The following APC variants were observed in gnomAD, a reference collection of about 807,000 sequenced individuals.
APC encodes the protein APC regulator of Wnt signaling pathway.
A neutral mutation model predicts 247.0 loss-of-function variants in APC; 72 were observed. The observed-to-expected ratio is 0.29, with a 90% confidence interval of 0.24 to 0.35. The LOEUF (loss-of-function observed/expected upper bound fraction) is 0.35, where lower values mean the gene tolerates loss of function less well. Among genes scored for constraint, APC ranks in the 10% least tolerant of loss-of-function variants. The pLI, the probability that APC is intolerant of heterozygous loss-of-function variation, is 1.00. For missense variants in APC, 3,400 were observed against 3,360.7 expected (o/e 1.01, Z -0.29); for synonymous variants, 1,254 against 1,162.5 (o/e 1.08, Z -1.60).
At chr5:112,828,679 T>TCTCAGGAGATCCTCCTGCC (rs1046157029) in intron 13 of APC, among the ~76,000 whole-genome samples, 177 bp from the exon 14 acceptor site, 4 of 151,942 alleles carry the variant, frequency 2.6e-5, no homozygotes, top group African/African-American at 9.7e-5. Context: ...GAACTCCTGG[T>TCTCAGGAGATCCTCCTGCC]CTCAGGAGAT....
At chr5:112,816,135 G>A (rs1762490259) in intron 9 of APC, among the ~76,000 whole-genome samples, 3 of 152,232 alleles carry the variant, frequency 2.0e-5, no homozygotes, top group African/African-American at 7.2e-5. Context: ...TGCCTGCATT[G>A]GTGGGGACCA....
chr5:112,842,089 A>G lies in APC; in HGVS notation c.6495A>G (p.Pro2165=), dbSNP rs2149966196. 6.2e-7 allele frequency: 1 copy of G among 1,611,078 alleles called. No homozygotes were observed. ...AACCCTTTACAAGTAATAAAGGCCC[A>G]CGAATTCTAAAACCAGGGGAGAAAA... ...EEKPFTSNKG[P]RILKPGEKST... is the part of the protein sequence containing the mutation. Residue 2165 remains proline, a synonymous_variant, in exon 16 of 16, where the codon CCA becomes CCG. Coordinates refer to ENST00000257430, the MANE Select transcript of APC (RefSeq NM_000038.6).
At chr5:112,742,940 T>C (rs1753211384) in intron 1 of APC, among the ~76,000 whole-genome samples, 1 of 152,178 alleles carries the variant, frequency 6.6e-6, no homozygotes, top group African/African-American at 2.4e-5. Context: ...CTATTGCTGT[T>C]GTAACAAATT....
Position 112,843,269 on chromosome 5 carries a change from C to T in APC, c.7675C>T (p.Pro2559Ser). The change falls in exon 16 of 16, where the codon CCT becomes TCT. Residue 2559 changes from proline (P) to serine (S), a missense_variant. By Grantham distance (74) the Pro-to-Ser change is moderately conservative (BLOSUM62 -1). Coordinates refer to ENST00000257430, the MANE Select transcript of APC (RefSeq NM_000038.6). This position sits in a 1 kb window ranked among gnomAD's most constrained non-coding sequence, Gnocchi z 4.8. ...REHSKHSSSL[P>S]RVSTWRRTGS... ...GCACAGCAAACATTCATCATCCCTT[C>T]CTCGAGTAAGCACTTGGAGAAGAAC... is the stretch of plus-strand genomic sequence containing the variant. 6.2e-7 allele frequency: 1 copy of T among 1,613,708 alleles called. No homozygotes were observed. The highest frequency in any genetic ancestry group is 8.5e-7 in the Non-Finnish European group (1 of 1,179,620).
chr5:112,711,273 T>G (rs1750829360), intron 1 of APC, among the ~76,000 whole-genome samples: 1 of 152,200 alleles, frequency 6.6e-6, no homozygotes, highest in Non-Finnish European at 1.5e-5. Context: ...ATGTTCTTTA[T>G]GAGAATCTAA....
chr5:112,767,361 T>C lies in APC; in HGVS notation c.393T>C (p.Thr131=), dbSNP rs775742850. 4 of 1,614,080 alleles carry C rather than the reference T, an allele frequency of 2.5e-6. No homozygotes were observed. The highest frequency in any genetic ancestry group is 3.4e-6 in the Non-Finnish European group (4 of 1,179,964). The change falls in exon 4 of 16, where the codon ACT becomes ACC. Residue 131 remains threonine, a synonymous_variant. Transcript: ENST00000257430. Reference sequence around the variant, plus strand: ...TTGTAAATGGAAGCAGAGAAAGTACTGGATATTTAGAAGAACTTGAGAAAG... The same window carrying C: ...TTGTAAATGGAAGCAGAGAAAGTACCGGATATTTAGAAGAACTTGAGAAAG... ...RGFVNGSRES[T]GYLEELEKER...
At chr5:112,830,701 C>T (rs753671722) in intron 14 of APC, among the ~76,000 whole-genome samples, 44 of 152,196 alleles carry the variant, frequency 2.9e-4, no homozygotes, top group Middle Eastern at 3.4e-3. Flanking sequence ...TAATAGGATT[C>T]GGCTGTGAAA....
At chr5:112,794,068 C>G (rs371439003) in intron 7 of APC, among the ~76,000 whole-genome samples, 35 of 150,176 alleles carry the variant, frequency 2.3e-4, no homozygotes, top group African/African-American at 7.1e-4. Flanking sequence ...GTAGGATGAT[C>G]TAGCTGGGTT....
rs1210397302 is a variant in APC at position 112,839,078 on chromosome 5, T to A, written c.3484T>A (p.Tyr1162Asn). 5 of 1,614,076 alleles carry A rather than the reference T, an allele frequency of 3.1e-6. No individual in the cohort carries two copies. The highest frequency in any genetic ancestry group is 1.1e-5 in the South Asian group (1 of 91,078). Reference protein sequence around the residue: ...QHEEEERPTNYSIKYNEEKRH... With the variant: ...QHEEEERPTNNSIKYNEEKRH... ...TGAAGAAGAAGAGAGACCAACAAAT[T>A]ATAGCATAAAATATAATGAAGAGAA... The change falls in exon 16 of 16, where the codon TAT (tyrosine) becomes AAT (asparagine). Residue 1162 changes from tyrosine to asparagine, a missense_variant. This residue lies in a region of APC where 715 missense variants were observed against 656.6 expected (regional missense o/e 1.09). Transcript: ENST00000257430. This position sits in a 1 kb window ranked among gnomAD's most constrained non-coding sequence, Gnocchi z 5.0.
chr5:112,767,853 C>G (rs561032837), intron 4 of APC, among the ~76,000 whole-genome samples: 7 of 151,514 alleles, frequency 4.6e-5, no homozygotes, highest in African/African-American at 1.7e-4. Flanking sequence ...CTGGTTATCA[C>G]TTAAATACTT....
intron 7 of APC, among the ~76,000 whole-genome samples, chr5:112,794,354 A>T (rs1156851319): frequency 6.6e-6 from 1 of 152,220 alleles, no homozygotes; most frequent in African/African-American, 2.4e-5. Flanking sequence ...GTGTGGGATT[A>T]CAGGCGTGAG....
intron 8 of APC, among the ~76,000 whole-genome samples, chr5:112,806,848 G>A (rs183658583): frequency 3.2e-4 from 49 of 152,212 alleles, no homozygotes; most frequent in East Asian, 1.9e-4. Flanking sequence ...AAAGTGCTAC[G>A]ATTGGCTGGG....
At chr5:112,752,154 T>C (rs1179273436) in intron 1 of APC, among the ~76,000 whole-genome samples, 1 of 152,162 alleles carries the variant, frequency 6.6e-6, no homozygotes, top group Admixed American at 6.6e-5. Context: ...CAGAGTCATC[T>C]TTTATGATTC....
intron 10 of APC, among the ~76,000 whole-genome samples, chr5:112,821,428 G>T (rs138038905): frequency 6.6e-6 from 1 of 151,906 alleles, no homozygotes; most frequent in Non-Finnish European, 1.5e-5. Context: ...GGTCAATTGA[G>T]CCCAGGAATA....
chr5:112,791,177 T>C (rs976804057), intron 6 of APC, among the ~76,000 whole-genome samples: 1 of 151,974 alleles, frequency 6.6e-6, no homozygotes, highest in African/African-American at 2.4e-5. Flanking sequence ...ACACACACAA[T>C]ATATTCCCCA....
At chr5:112,765,910 A>T (rs955582721) in intron 2 of APC, among the ~76,000 whole-genome samples, 1 of 152,182 alleles carries the variant, frequency 6.6e-6, no homozygotes, top group Non-Finnish European at 1.5e-5. Context: ...TAAATAGATT[A>T]TGTGTTAATT....
At chr5:112,791,273 C>A (rs1316572550) in intron 6 of APC, among the ~76,000 whole-genome samples, 1 of 152,104 alleles carries the variant, frequency 6.6e-6, no homozygotes, top group African/African-American at 2.4e-5. Flanking sequence ...AGCAAAAGCT[C>A]TATCCTCTTT....
In APC at chr5:112,845,635, A is replaced by G. The variant is rs1766918915; in HGVS notation, c.*1509A>G. On this transcript the variant is annotated 3_prime_UTR_variant, in exon 16 of 16. Coordinates refer to ENST00000257430, the MANE Select transcript of APC (RefSeq NM_000038.6). ...TTTAGAATCCCTGCCTGTTAAGGAA[A>G]CTTTATTTGTGGTAGGTACAGTTCT... The G allele has an allele frequency of 4.3e-6, 1 of 232,132 alleles. No individual in the cohort carries two copies. The highest frequency in any genetic ancestry group is 5.6e-5 in the Admixed American group (1 of 17,756). The allele number at this position is 232,132 out of a possible 1,614,324, so 14.4% of individuals were successfully genotyped here. A position where few individuals can be genotyped will look rare whatever the true frequency, so the allele number is the denominator to read the frequency against.
At position 112,837,828 on chromosome 5, in the gene APC, C is replaced by T. The variant is rs2149864004; in HGVS notation, c.2234C>T (p.Pro745Leu). The change falls in exon 16 of 16, where the codon CCT (proline) becomes CTT (leucine). Residue 745 changes from proline to leucine, a missense_variant. Coordinates refer to ENST00000257430, the MANE Select transcript of APC (RefSeq NM_000038.6). Reference protein sequence around the residue: ...AKYKDANIMSPGSSLPSLHVR... With the variant: ...AKYKDANIMSLGSSLPSLHVR... Reference sequence around the variant, plus strand: ...TACAAGGATGCCAATATTATGTCTCCTGGCTCAAGCTTGCCATCTCTTCAT... The same window carrying T: ...TACAAGGATGCCAATATTATGTCTCTTGGCTCAAGCTTGCCATCTCTTCAT... 1 of 1,613,994 alleles carries T rather than the reference C, an allele frequency of 6.2e-7. No homozygotes were observed. The highest frequency in any genetic ancestry group is 8.5e-7 in the Non-Finnish European group (1 of 1,180,020).
Sources: allele counts gnomAD v4.1 joint callset (sites outside exome capture counted in the v4.1 genomes callset), GRCh38; gene constraint gnomAD v4.1.1; regional missense constraint gnomAD v4.1.1; non-coding constraint Gnocchi (gnomAD v3.1); transcripts MANE v1.5; gene names NCBI Gene and HGNC (gene_info 2026-07-23, HGNC 2026-07-21).